NAPB: variants seen among roughly 807,000 people sequenced by gnomAD.
NAPB encodes beta-soluble NSF attachment protein.
A neutral mutation model predicts 44.7 loss-of-function variants in NAPB; 26 were observed. The observed-to-expected ratio is 0.58, with a 90% CI of 0.43 to 0.81. NAPB has a LOEUF of 0.81. Ranked by LOEUF, NAPB falls within the 30% of genes least tolerant of loss-of-function variation. The pLI is 0.00. For missense variants in NAPB, 315 were observed against 356.4 expected (o/e 0.88, Z 0.94); for synonymous variants, 120 against 116.8 (o/e 1.03, Z -0.18).
chr20:23,390,051 AGAGT>A lies in NAPB; in HGVS notation c.477-25_477-22del, dbSNP rs769353442. On this transcript the variant is annotated intron_variant, in intron 6 of 10. Transcript: ENST00000377026. ...CTGAGCTGAAATCAAGAACCAAAGC[AGAGT>A]GAGTAACAAGTCAATGGAAAAATAA... 5 of 1,612,326 alleles carry A rather than the reference AGAGT, an allele frequency of 3.1e-6. No homozygotes were observed. In the Admixed American group the frequency reaches 6.7e-5, roughly 22 times the overall value.
At chr20:23,386,678 G>A (rs1983551737) in intron 7 of NAPB, among the ~76,000 whole-genome samples, 1 of 152,148 alleles carries the variant, frequency 6.6e-6, no homozygotes, top group Admixed American at 6.5e-5. Context: ...AGCAGTCTAC[G>A]CTTATTTTCA....
Position 23,421,277 on chromosome 20 carries a change from C to T in NAPB, c.98+28G>A, listed in dbSNP as rs747901016. On this transcript the variant is annotated intron_variant, in intron 1 of 10. Coordinates refer to ENST00000377026, the MANE Select transcript of NAPB (RefSeq NM_022080.3). ...GGGCCAAGTACGGAGACCCCCCCCC[C>T]CCAGGGCACGCACGGTCTGGCGCTC... The T allele has an allele frequency of 2.5e-4, 355 of 1,441,358 alleles. 1 individual carries two copies. In the East Asian group the frequency reaches 2.6e-3, roughly 11 times the overall value. The allele number at this position is 1,441,358 out of a possible 1,614,324, so 89.3% of individuals were successfully genotyped here.
intron 2 of NAPB, among the ~76,000 whole-genome samples, chr20:23,397,612 CTT>C (rs1984468007): frequency 6.6e-6 from 1 of 152,224 alleles, no homozygotes; most frequent in Non-Finnish European, 1.5e-5. Flanking sequence ...GTCTCCTACA[CTT>C]AGCTGTCGGT....
At chr20:23,409,248 T>C (rs1270133985) in intron 1 of NAPB, among the ~76,000 whole-genome samples, 1 of 152,216 alleles carries the variant, frequency 6.6e-6, no homozygotes, top group Non-Finnish European at 1.5e-5. Flanking sequence ...ACTTTTCAGT[T>C]TACTTCTGCT....
Position 23,375,033 on chromosome 20 carries a change from A to C in NAPB, c.*2343T>G, listed in dbSNP as rs957752767. Reference sequence around the variant, plus strand: ...AGACCTAGCTCACAGGCATCTTGAAACATGGCACTGTCCTACATCCATGGG... The same window carrying C: ...AGACCTAGCTCACAGGCATCTTGAACCATGGCACTGTCCTACATCCATGGG... On this transcript the variant is annotated 3_prime_UTR_variant, in exon 11 of 11. Transcript: ENST00000377026. 1 of 152,228 alleles carries C rather than the reference A, an allele frequency of 6.6e-6. No individual in the cohort carries two copies. The highest frequency in any genetic ancestry group is 2.4e-5 in the African/African-American group (1 of 41,472). The allele number at this position is 152,228 out of a possible 1,614,324, so 9.4% of individuals were successfully genotyped here. A position where few individuals can be genotyped will look rare whatever the true frequency, so the allele number is the denominator to read the frequency against.
chr20:23,400,882 A>C (rs548354870), intron 2 of NAPB, among the ~76,000 whole-genome samples: 2 of 152,342 alleles, frequency 1.3e-5, no homozygotes, highest in Non-Finnish European at 2.9e-5. Flanking sequence ...TCCAAGGTTT[A>C]CTTTCTAATG....
Position 23,377,434 on chromosome 20 carries a change from A to T in NAPB, c.839T>A (p.Leu280Ter). The change falls in exon 11 of 11, where the codon TTG becomes TAG. Residue 280 changes from leucine to a stop codon, truncating the protein, a stop_gained. Transcript: ENST00000377026. LOFTEE classifies it high-confidence loss of function. ...SRLDQWLTTM[L>*]LRIKKSIQGD... ...TTGGATGGACTTTTTGATGCGAAGC[A>T]ACATGGTGGTCAGCCACTGATCCAA... 6.2e-7 allele frequency: 1 copy of T among 1,607,646 alleles called. No homozygotes were observed. The highest frequency in any genetic ancestry group is 1.1e-5 in the South Asian group (1 of 89,870).
chr20:23,420,418 C>G (rs1986300405), intron 1 of NAPB, among the ~76,000 whole-genome samples: 1 of 150,442 alleles, frequency 6.6e-6, no homozygotes, highest in South Asian at 2.1e-4. Context: ...TAAAGGTGTA[C>G]TCGGCGCAAG....
intron 1 of NAPB, among the ~76,000 whole-genome samples, chr20:23,414,634 G>A (rs1300320991): frequency 1.3e-5 from 2 of 152,130 alleles, no homozygotes; most frequent in Admixed American, 1.3e-4. Context: ...TTACTTATAA[G>A]TTCCACTTAA....
rs8615 is a variant in NAPB, at chr20:23,374,786, C to A, written c.*2590G>T. On this transcript the variant is annotated 3_prime_UTR_variant, in exon 11 of 11. Coordinates refer to ENST00000377026, the MANE Select transcript of NAPB (RefSeq NM_022080.3). ...GGTGCATATACTTTGGTTACAGTGACGCCACCACACACGGTCACGACTGTG... is the reference window on the plus strand; with the variant it reads ...GGTGCATATACTTTGGTTACAGTGAAGCCACCACACACGGTCACGACTGTG... 6.6e-6 allele frequency: 1 copy of A among 151,626 alleles called. No individual in the cohort carries two copies. Among genetic ancestry groups the A allele is most frequent in the African/African-American group, 2.4e-5 (1 of 41,186 alleles). 9.4% of individuals were successfully genotyped at this position (151,626 alleles called of 1,614,324 possible). A position where few individuals can be genotyped will look rare whatever the true frequency, so the allele number is the denominator to read the frequency against.
intron 2 of NAPB, among the ~76,000 whole-genome samples, chr20:23,402,211 A>G (rs1289995961): frequency 6.6e-6 from 1 of 152,166 alleles, no homozygotes; most frequent in African/African-American, 2.4e-5. Flanking sequence ...GTAGAGGGCG[A>G]GTCCCACTTC....
chr20:23,399,309 G>C (rs983751763), intron 2 of NAPB, among the ~76,000 whole-genome samples: 1 of 152,078 alleles, frequency 6.6e-6, no homozygotes, highest in Non-Finnish European at 1.5e-5. Flanking sequence ...GGGCCTTTGG[G>C]GGAGTGATAA....
chr20:23,401,453 C>T (rs1984836669), intron 2 of NAPB, among the ~76,000 whole-genome samples: 1 of 152,132 alleles, frequency 6.6e-6, no homozygotes, highest in African/African-American at 2.4e-5. Flanking sequence ...TGTCAGGAGG[C>T]TAGAGCATCA....
intron 1 of NAPB, among the ~76,000 whole-genome samples, chr20:23,419,547 C>T (rs1230352794): frequency 6.6e-6 from 1 of 152,166 alleles, no homozygotes; most frequent in African/African-American, 2.4e-5. Context: ...GAAGCACTTC[C>T]TGACTTGAAA....
At chr20:23,395,080 G>A in intron 4 of NAPB, 59 bp downstream of exon 4, 1 of 1,612,238 alleles carries the variant, frequency 6.2e-7, no homozygotes, top group Admixed American at 1.7e-5. Flanking sequence ...AAGAAAGATA[G>A]AACTCTAAGC....
intron 1 of NAPB, among the ~76,000 whole-genome samples, chr20:23,418,100 A>G (rs571729610): frequency 6.6e-6 from 1 of 152,324 alleles, no homozygotes; most frequent in Non-Finnish European, 1.5e-5. Context: ...TATGCCAAGC[A>G]GCTTTTAATG....
In NAPB at chr20:23,377,153, G is replaced by T; in HGVS notation, c.*223C>A. On this transcript the variant is annotated 3_prime_UTR_variant, in exon 11 of 11. Transcript: ENST00000377026. Reference sequence around the variant, plus strand: ...AAGTACTTCTCAGAAAACGCTGGGGGTTCTGATAAGCATGAAACAACCCAT... The same window carrying T: ...AAGTACTTCTCAGAAAACGCTGGGGTTTCTGATAAGCATGAAACAACCCAT... 3.1e-6 allele frequency: 1 copy of T among 323,844 alleles called. No individual in the cohort carries two copies. Among genetic ancestry groups the T allele is most frequent in the South Asian group, 1.2e-4 (1 of 8,082 alleles). The allele number at this position is 323,844 out of a possible 1,614,324, so 20.1% of individuals were successfully genotyped here. A position where few individuals can be genotyped will look rare whatever the true frequency, so the allele number is the denominator to read the frequency against.
intron 1 of NAPB, among the ~76,000 whole-genome samples, chr20:23,417,169 C>T (rs532946443): frequency 6.6e-6 from 1 of 152,026 alleles, no homozygotes; most frequent in African/African-American, 2.4e-5. Flanking sequence ...CTACAACCTC[C>T]ACCTCCAAGG....
At chr20:23,399,884 C>T (rs917427007) in intron 2 of NAPB, among the ~76,000 whole-genome samples, 3 of 152,252 alleles carry the variant, frequency 2.0e-5, no homozygotes, top group Non-Finnish European at 4.4e-5. Context: ...TGGCCACTTT[C>T]ATTATTACAT....
Sources: gnomAD v4.1 joint callset for allele counts (sites outside exome capture counted in the v4.1 genomes callset) on GRCh38, gnomAD v4.1.1 for gene constraint, MANE v1.5 for transcripts, NCBI Gene and HGNC (gene_info 2026-07-23, HGNC 2026-07-21) for gene names.